Variants in KATNIP observed in about 807,000 individuals in gnomAD.
KATNIP encodes katanin interacting protein, also known as katanin-interacting protein.
KATNIP carries 126 observed loss-of-function variants against 174.0 expected under a neutral mutation model. The ratio of observed to expected loss-of-function variants is 0.72; its 90% confidence interval spans 0.63 to 0.84. The LOEUF (loss-of-function observed/expected upper bound fraction) is 0.84, where lower values mean the gene tolerates loss of function less well. Ranked by LOEUF, KATNIP falls within the 40% of genes least tolerant of loss-of-function variation. The pLI, the probability that KATNIP is intolerant of heterozygous loss-of-function variation, is 0.00. For missense variants in KATNIP, 1,958 were observed against 2,109.7 expected, an observed-to-expected ratio of 0.93 and a Z score of 1.41; for synonymous variants, 810 against 835.7, an observed-to-expected ratio of 0.97 and a Z score of 0.53.
intron 2 of KATNIP, among the ~76,000 whole-genome samples, chr16:27,606,431 T>C (rs1243701953): frequency 6.6e-6 from 1 of 152,054 alleles, no homozygotes; most frequent in African/African-American, 2.4e-5. Flanking sequence ...TAGTATTTGT[T>C]CTACCACTGT....
chr16:27,642,677 A>G (rs185743991), intron 5 of KATNIP, among the ~76,000 whole-genome samples: 2 of 152,254 alleles, frequency 1.3e-5, no homozygotes, highest in East Asian at 3.9e-4. Context: ...GCTGGAACCC[A>G]GGGCAACATG....
intron 3 of KATNIP, among the ~76,000 whole-genome samples, chr16:27,627,643 C>A (rs143098298): frequency 2.0e-5 from 3 of 152,162 alleles, no homozygotes; most frequent in Non-Finnish European, 4.4e-5. Context: ...TAATGAGAAT[C>A]GACTTTAGGT....
chr16:27,713,798 G>GTATA lies in KATNIP; in HGVS notation c.1605+4879_1605+4880insATAT, dbSNP rs71140905. Reference sequence around the variant, plus strand: ...ATACACATATTATATATGTGTGTGTGTGTGTATATACATATATATATATAT... The same window carrying GTATA: ...ATACACATATTATATATGTGTGTGTGTATATGTGTATATACATATATATATATAT... On this transcript the variant is annotated intron_variant, in intron 13 of 27. Coordinates refer to ENST00000261588, the MANE Select transcript of KATNIP (RefSeq NM_015202.5). Among the ~76,000 whole-genome samples, 83 of 81,848 alleles carry GTATA rather than the reference G, an allele frequency of 1.0e-3. 3 individuals are homozygous for GTATA. The highest frequency in any genetic ancestry group is 2.1e-3 in the African/African-American group (40 of 18,912). 53.7% of individuals were successfully genotyped at this position (81,848 alleles called of 152,430 possible). A position where few individuals can be genotyped will look rare whatever the true frequency, so the allele number is the denominator to read the frequency against.
chr16:27,753,496 CAA>C (rs1455846834), intron 17 of KATNIP, among the ~76,000 whole-genome samples: 1 of 152,126 alleles, frequency 6.6e-6, no homozygotes, highest in Non-Finnish European at 1.5e-5. Flanking sequence ...ACTTATGGTG[CAA>C]AGAGACAATG....
chr16:27,589,521 T>A (rs760725429), intron 2 of KATNIP, among the ~76,000 whole-genome samples: 1 of 152,230 alleles, frequency 6.6e-6, no homozygotes, highest in Non-Finnish European at 1.5e-5. Context: ...GGGATTTGTT[T>A]GGCTTATGTG....
At chr16:27,743,660 G>A (rs1213693013) in intron 15 of KATNIP, among the ~76,000 whole-genome samples, 1 of 152,128 alleles carries the variant, frequency 6.6e-6, no homozygotes, top group African/African-American at 2.4e-5. Context: ...TCTGGTCCAG[G>A]CACGTTACCC....
At chr16:27,559,880 CTG>C (rs1375565939) in intron 1 of KATNIP, among the ~76,000 whole-genome samples, 3 of 151,058 alleles carry the variant, frequency 2.0e-5, no homozygotes, top group Non-Finnish European at 4.4e-5. Context: ...TCCTGGGAGA[CTG>C]AGGTGGGAGA....
chr16:27,624,849 G>A (rs1214650265), intron 3 of KATNIP, among the ~76,000 whole-genome samples: 1 of 152,146 alleles, frequency 6.6e-6, no homozygotes, highest in African/African-American at 2.4e-5. Flanking sequence ...GCCATTGAGA[G>A]CTTTCCTCAT....
intron 14 of KATNIP, among the ~76,000 whole-genome samples, chr16:27,732,231 G>A (rs571768651): frequency 4.6e-5 from 7 of 152,324 alleles, no homozygotes; most frequent in Admixed American, 1.3e-4. Context: ...GACACGGCAT[G>A]GTCTTCCCAG....
At chr16:27,620,475 G>T (rs2076160971) in intron 3 of KATNIP, among the ~76,000 whole-genome samples, 1 of 152,166 alleles carries the variant, frequency 6.6e-6, no homozygotes, top group African/African-American at 2.4e-5. Context: ...ACTTGCCCGA[G>T]GTCTCACAGC....
rs768329726 is a variant in KATNIP at position 27,775,039 on chromosome 16, C to T, written c.4404C>T (p.Thr1468=). Residue 1468 remains threonine, a synonymous_variant, in exon 24 of 28, where the codon ACC becomes ACT. Transcript: ENST00000261588. ...PDKLIDQVND[T]SDGRHMWLAP... is the part of the protein sequence containing the mutation. ...AGCTCATCGACCAAGTGAACGACAC[C>T]AGTGATGGCCGGCACATGTGGCTGG... The T allele has an allele frequency of 2.5e-6, 4 of 1,613,416 alleles. No individual in the cohort carries two copies. Among genetic ancestry groups the T allele is most frequent in the Non-Finnish European group, 2.5e-6 (3 of 1,179,816 alleles).
At chr16:27,693,856 T>C (rs2078825528) in intron 8 of KATNIP, among the ~76,000 whole-genome samples, 1 of 152,168 alleles carries the variant, frequency 6.6e-6, no homozygotes, top group Admixed American at 6.5e-5. Context: ...GAAGACATTA[T>C]GAACAAATAA....
chr16:27,655,092 G>C (rs888660454), intron 6 of KATNIP, among the ~76,000 whole-genome samples: 2 of 149,658 alleles, frequency 1.3e-5, no homozygotes, highest in Non-Finnish European at 3.0e-5. Flanking sequence ...TTGTGCTACT[G>C]CATGTCTGCC....
intron 13 of KATNIP, among the ~76,000 whole-genome samples, chr16:27,713,811 T>TATATAC (rs2079770683): frequency 1.1e-4 from 1 of 8,710 alleles, no homozygotes; most frequent in African/African-American, 6.1e-4. Flanking sequence ...TGTATATACA[T>TATATAC]ATATATATAT....
At chr16:27,720,950 G>A (rs1266066148) in intron 13 of KATNIP, among the ~76,000 whole-genome samples, 1 of 152,142 alleles carries the variant, frequency 6.6e-6, no homozygotes, top group East Asian at 1.9e-4. Context: ...CCGTGTGAAT[G>A]AGAATGACAG....
At chr16:27,615,464 C>G (rs759491090) in intron 2 of KATNIP, among the ~76,000 whole-genome samples, 1 of 152,086 alleles carries the variant, frequency 6.6e-6, no homozygotes, top group Non-Finnish European at 1.5e-5. Context: ...AAGCGATTCT[C>G]CTGCCTCAGC....
At chr16:27,662,440 A>G (rs1181534591) in intron 6 of KATNIP, among the ~76,000 whole-genome samples, 1 of 152,054 alleles carries the variant, frequency 6.6e-6, no homozygotes, top group South Asian at 2.1e-4. Context: ...GGGATGACCA[A>G]CTGGACAGCT....
At position 27,630,006 on chromosome 16, in the gene KATNIP, C is replaced by G. The variant is rs372130740; in HGVS notation, c.311-1059C>G. 1.1e-3 allele frequency among the ~76,000 whole-genome samples: 173 copies of G among 152,288 alleles called. 2 individuals carry two copies. The South Asian group carries it at 0.033, about 29-fold the overall frequency. ...CCAGCCTGGGTGACAGAGCAAGACC[C>G]TGTTTCAAAATAAATAAATAAATAT... is the stretch of plus-strand genomic sequence containing the variant. On this transcript the variant is annotated intron_variant, in intron 4 of 27. Transcript: ENST00000261588.
At chr16:27,577,752 G>C (rs997750094) in intron 2 of KATNIP, among the ~76,000 whole-genome samples, 1 of 151,748 alleles carries the variant, frequency 6.6e-6, no homozygotes, top group Non-Finnish European at 1.5e-5. Flanking sequence ...TTGTGCCTGT[G>C]ATCTCAGCTA....
Sources: gnomAD v4.1 joint callset for allele counts (sites outside exome capture counted in the v4.1 genomes callset) on GRCh38, gnomAD v4.1.1 for gene constraint, MANE v1.5 for transcripts, NCBI Gene and HGNC (gene_info 2026-07-23, HGNC 2026-07-21) for gene names.